Variants in AGMO observed in about 807,000 individuals in gnomAD.
The protein encoded by AGMO is alkylglycerol monooxygenase, also known as glyceryl-ether monooxygenase.
AGMO carries 75 observed loss-of-function variants against 60.2 expected under a neutral mutation model. That is an observed-to-expected ratio of 1.25 (90% CI 1.03 to 1.51). The LOEUF (loss-of-function observed/expected upper bound fraction) is 1.51. Among genes scored for constraint, AGMO ranks in the 40% most tolerant of loss-of-function variants. AGMO has a pLI of 0.00. For missense variants in AGMO, 763 were observed against 525.5 expected, an observed-to-expected ratio of 1.45 and a Z score of -4.42; for synonymous variants, 261 against 177.1, an observed-to-expected ratio of 1.47 and a Z score of -3.76.
intron 12 of AGMO, among the ~76,000 whole-genome samples, chr7:15,321,259 A>T (rs1781099153): frequency 6.6e-6 from 1 of 152,142 alleles, no homozygotes; most frequent in Admixed American, 6.6e-5. Context: ...GTATATAGAT[A>T]GATTGTTGGA....
chr7:15,481,777 G>C (rs1049776797), intron 3 of AGMO, among the ~76,000 whole-genome samples: 2 of 146,268 alleles, frequency 1.4e-5, no homozygotes, highest in African/African-American at 5.0e-5. Context: ...TGCATTTTCT[G>C]GGACTAAATG....
intron 8 of AGMO, 134 bp downstream of exon 8, chr7:15,390,537 T>C: frequency 1.9e-6 from 1 of 539,600 alleles, no homozygotes; most frequent in Non-Finnish European, 3.2e-6. Context: ...GAGTTATTTG[T>C]AAATTTTTTA....
At chr7:15,242,334 A>T (rs1474592075) in intron 12 of AGMO, among the ~76,000 whole-genome samples, 1 of 152,184 alleles carries the variant, frequency 6.6e-6, no homozygotes, top group Non-Finnish European at 1.5e-5. Flanking sequence ...GATCTTCCAG[A>T]TAGTGAGAAC....
the AGMO span, among the ~76,000 whole-genome samples, chr7:15,119,567 A>C: frequency 6.6e-6 from 1 of 152,310 alleles, no homozygotes; most frequent in African/African-American, 2.4e-5. Flanking sequence ...CTCTGACTTT[A>C]TAAAACTTGT....
chr7:15,336,545 A>G (rs1227867554), intron 12 of AGMO, among the ~76,000 whole-genome samples: 4 of 152,192 alleles, frequency 2.6e-5, no homozygotes, highest in Non-Finnish European at 4.4e-5. Flanking sequence ...GATATTTTAC[A>G]CAATTGCGTG....
At chr7:15,470,883 A>G (rs12699719) in intron 3 of AGMO, among the ~76,000 whole-genome samples, 71,582 of 151,726 alleles carry the variant, frequency 0.47, 17,611 homozygotes, top group Non-Finnish European at 0.57. Flanking sequence ...TTTCTCTAAT[A>G]TAAGTATGTA....
intron 3 of AGMO, among the ~76,000 whole-genome samples, chr7:15,539,206 G>C (rs933544328): frequency 6.6e-6 from 1 of 152,090 alleles, no homozygotes; most frequent in Admixed American, 6.5e-5. Flanking sequence ...TAAACAGTGT[G>C]TCATGAGATT....
At chr7:15,349,223 A>G (rs1009178708) in intron 12 of AGMO, among the ~76,000 whole-genome samples, 2 of 152,156 alleles carry the variant, frequency 1.3e-5, no homozygotes, top group African/African-American at 2.4e-5. Context: ...CATTTACATT[A>G]AAGATAACTG....
chr7:15,528,347 T>C (rs568160928), intron 3 of AGMO, among the ~76,000 whole-genome samples: 1 of 152,286 alleles, frequency 6.6e-6, no homozygotes, highest in Non-Finnish European at 1.5e-5. Context: ...GTGAGTTTCT[T>C]GATTGCGATA....
chr7:15,340,974 G>A (rs997968269), intron 12 of AGMO, among the ~76,000 whole-genome samples: 2 of 152,150 alleles, frequency 1.3e-5, no homozygotes, highest in African/African-American at 4.8e-5. Flanking sequence ...AAGCAGCTAG[G>A]AGGGGTGCTG....
intron 12 of AGMO, among the ~76,000 whole-genome samples, chr7:15,274,182 G>A (rs149702389): frequency 0.016 from 2,391 of 152,152 alleles, 67 homozygotes; most frequent in African/African-American, 0.056. Context: ...GGTGAGAGAG[G>A]GCGTCCCTGT....
rs536434866 is a variant in AGMO, at chr7:15,547,859, G to C, written c.258-2936C>G. ...TGCCTCTGTAGGCTCCACCTCTGGG[G>C]GCAGGGCACAGACAAACAAAAAGAC... On this transcript the variant is annotated intron_variant, in intron 2 of 12. Coordinates refer to ENST00000342526, the MANE Select transcript of AGMO (RefSeq NM_001004320.2). Among the ~76,000 whole-genome samples, 1,422 of 151,384 alleles carry C rather than the reference G, an allele frequency of 9.4e-3. 14 individuals carry two copies. Among genetic ancestry groups the C allele is most frequent in the African/African-American group, 0.033 (1,338 of 40,724 alleles).
At chr7:15,229,885 A>T (rs568143211) in intron 12 of AGMO, among the ~76,000 whole-genome samples, 54 of 151,374 alleles carry the variant, frequency 3.6e-4, no homozygotes, top group Non-Finnish European at 6.2e-4. Flanking sequence ...TTATTCTGTA[A>T]AAGGAATTAG....
chr7:15,531,141 ATATATATTC>A (rs1784323074), intron 3 of AGMO, among the ~76,000 whole-genome samples: 1 of 70,272 alleles, frequency 1.4e-5, no homozygotes, highest in East Asian at 4.1e-4. Flanking sequence ...TATATATTCT[ATATATATTC>A]TATATATATT....
At chr7:15,347,193 C>G (rs1782065696) in intron 12 of AGMO, among the ~76,000 whole-genome samples, 1 of 151,920 alleles carries the variant, frequency 6.6e-6, no homozygotes, top group Non-Finnish European at 1.5e-5. Flanking sequence ...AATTCCTGTT[C>G]AATTGTATGC....
intron 3 of AGMO, among the ~76,000 whole-genome samples, chr7:15,476,486 T>C (rs1583592175): frequency 6.6e-6 from 1 of 152,220 alleles, no homozygotes; most frequent in East Asian, 1.9e-4. Context: ...TTGTTTTATT[T>C]TCATCTTTCT....
the AGMO span, among the ~76,000 whole-genome samples, chr7:15,183,357 G>T: frequency 2.6e-5 from 4 of 152,188 alleles, no homozygotes; most frequent in South Asian, 6.2e-4. Context: ...CAATAGACAA[G>T]GTGTGTGAAG....
At chr7:15,194,569 G>C in the AGMO span, among the ~76,000 whole-genome samples, 3 of 152,034 alleles carry the variant, frequency 2.0e-5, no homozygotes, top group Non-Finnish European at 1.5e-5. Flanking sequence ...ATTCCTTCTG[G>C]TTTTTGTGCA....
At chr7:15,363,701 A>T (rs1782852606) in intron 12 of AGMO, among the ~76,000 whole-genome samples, 1 of 152,158 alleles carries the variant, frequency 6.6e-6, no homozygotes. Flanking sequence ...CCATCTCATC[A>T]TCAAAGAATA....
Sources: allele counts gnomAD v4.1 joint callset (sites outside exome capture counted in the v4.1 genomes callset), GRCh38; gene constraint gnomAD v4.1.1; transcripts MANE v1.5; gene names NCBI Gene and HGNC (gene_info 2026-07-23, HGNC 2026-07-21).